Variants in EPG5 observed in about 807,000 individuals in gnomAD.
EPG5 encodes ectopic P-granules 5 autophagy tethering factor.
EPG5 carries 159 observed loss-of-function variants against 302.7 expected under a neutral mutation model. The ratio of observed to expected loss-of-function variants is 0.53; its 90% confidence interval spans 0.46 to 0.60. The LOEUF (loss-of-function observed/expected upper bound fraction) is 0.60, where lower values mean the gene tolerates loss of function less well. EPG5 is among the 20% of genes least tolerant of loss of function. The probability of loss-of-function intolerance (pLI) is 0.00; values close to 1 mark genes in which losing one functional copy is unlikely to be tolerated. For missense variants in EPG5, 2,896 were observed against 3,092.4 expected, an observed-to-expected ratio of 0.94 and a Z score of 1.51; for synonymous variants, 1,158 against 1,136.8, an observed-to-expected ratio of 1.02 and a Z score of -0.37.
chr18:45,929,740 C>T (rs185481151), intron 12 of EPG5, among the ~76,000 whole-genome samples: 6 of 152,162 alleles, frequency 3.9e-5, no homozygotes, highest in African/African-American at 1.4e-4. Flanking sequence ...GTCTTCTCTC[C>T]CCAAGTTTTT....
Position 45,946,707 on chromosome 18 carries a change from G to T in EPG5, c.1633C>A (p.Pro545Thr), listed in dbSNP as rs753686339. ...PSERKPSSSG[P>T]GSGTWTLVDE... ...ACTAGCGTCCAAGTCCCAGACCCAG[G>T]CCCTGAGGAGGATGGCTTCCGCTCG... The change falls in exon 7 of 44, where the codon CCT becomes ACT. Residue 545 changes from proline to threonine, a missense_variant. Physicochemically the swap from Pro to Thr is conservative, Grantham distance 38. Around this residue, in one of 5 missense-constraint regions of EPG5, gnomAD observed 1,390 missense variants for 1,430.0 expected, o/e 0.97. Coordinates refer to ENST00000282041, the MANE Select transcript of EPG5 (RefSeq NM_020964.3). The T allele has an allele frequency of 1.2e-6, 2 of 1,614,028 alleles. No homozygotes were observed. The highest frequency in any genetic ancestry group is 1.3e-5 in the African/African-American group (1 of 74,916).
chr18:45,840,169 C>T, the EPG5 span: 19 of 1,609,332 alleles, frequency 1.2e-5, 1 homozygote, highest in Admixed American at 1.2e-4. Context: ...CTGCAGACTG[C>T]GGTGGAGATT....
chr18:45,807,970 T>G, the EPG5 span, among the ~76,000 whole-genome samples: 1 of 151,002 alleles, frequency 6.6e-6, no homozygotes, highest in South Asian at 2.1e-4. Flanking sequence ...CGTAAGGAAA[T>G]CAAAAAAATG....
intron 10 of EPG5, among the ~76,000 whole-genome samples, chr18:45,935,626 A>C (rs2050506541): frequency 6.6e-6 from 1 of 151,998 alleles, no homozygotes; most frequent in Non-Finnish European, 1.5e-5. Context: ...AGGCACACAC[A>C]GTAGTGGGTG....
At chr18:45,811,613 T>C in the EPG5 span, among the ~76,000 whole-genome samples, 2 of 152,190 alleles carry the variant, frequency 1.3e-5, no homozygotes, top group Non-Finnish European at 1.5e-5. Flanking sequence ...TGGTTCAGCA[T>C]ACGCAAATCA....
At chr18:45,919,855 T>C (rs943816679) in intron 16 of EPG5, among the ~76,000 whole-genome samples, 3 of 152,184 alleles carry the variant, frequency 2.0e-5, no homozygotes, top group Non-Finnish European at 2.9e-5. Context: ...GTAAGTTTGG[T>C]GTTATTAGTA....
chr18:45,937,510 G>C (rs905174060), intron 10 of EPG5, among the ~76,000 whole-genome samples: 2 of 152,020 alleles, frequency 1.3e-5, no homozygotes, highest in African/African-American at 4.8e-5. Flanking sequence ...GGGTTCAAGC[G>C]ATTCTTCTGC....
chr18:45,912,087 A>G (rs1436680334), intron 22 of EPG5, among the ~76,000 whole-genome samples: 1 of 152,200 alleles, frequency 6.6e-6, no homozygotes, highest in Non-Finnish European at 1.5e-5. Flanking sequence ...GGAAGATGGT[A>G]AAGAGAAGCT....
chr18:45,966,735 T>C (rs1416763051), intron 1 of EPG5, among the ~76,000 whole-genome samples: 2 of 152,198 alleles, frequency 1.3e-5, no homozygotes, highest in East Asian at 1.9e-4. Context: ...CTAGTCTACT[T>C]ATAAAGTTCT....
the EPG5 span, among the ~76,000 whole-genome samples, chr18:45,802,645 A>G: frequency 3.3e-5 from 5 of 152,186 alleles, no homozygotes; most frequent in African/African-American, 1.2e-4. Flanking sequence ...CTTGTGCCCA[A>G]TACCTTTCCC....
At chr18:45,911,728 T>C (rs1599555083) in intron 22 of EPG5, among the ~76,000 whole-genome samples, 1 of 152,146 alleles carries the variant, frequency 6.6e-6, no homozygotes, top group Non-Finnish European at 1.5e-5. Flanking sequence ...TGAGCCACCA[T>C]GCCCAGCCAG....
intron 26 of EPG5, 124 bp from the exon 27 acceptor site, chr18:45,899,690 A>C: frequency 2.1e-6 from 2 of 952,994 alleles, no homozygotes; most frequent in Non-Finnish European, 3.1e-6. Flanking sequence ...CCATAGTAAC[A>C]GAGGACCAAA....
At chr18:45,947,440 G>A (rs2050808165) in intron 6 of EPG5, among the ~76,000 whole-genome samples, 1 of 152,016 alleles carries the variant, frequency 6.6e-6, no homozygotes, top group Non-Finnish European at 1.5e-5. Context: ...TAATGGAGAG[G>A]CTTGTTTAGG....
intron 6 of EPG5, among the ~76,000 whole-genome samples, chr18:45,947,154 C>T (rs2050800684): frequency 6.6e-6 from 1 of 152,158 alleles, no homozygotes; most frequent in Non-Finnish European, 1.5e-5. Context: ...GTGGCTCACG[C>T]CTGTAATCAC....
chr18:45,839,231 C>T, the EPG5 span: 1 of 1,214,678 alleles, frequency 8.2e-7, no homozygotes, highest in Non-Finnish European at 1.1e-6. Context: ...GCGCTTTCCT[C>T]TCTTTGCATG....
the EPG5 span, among the ~76,000 whole-genome samples, chr18:45,838,087 A>C: frequency 8.5e-5 from 13 of 152,334 alleles, no homozygotes; most frequent in African/African-American, 3.1e-4. Flanking sequence ...ACAAATGCAG[A>C]ATCCAGGTCC....
intron 20 of EPG5, among the ~76,000 whole-genome samples, chr18:45,915,284 A>C (rs2050002241): frequency 6.6e-6 from 1 of 152,168 alleles, no homozygotes; most frequent in Admixed American, 6.5e-5. Flanking sequence ...ATCTCAAAAA[A>C]AATAAAAATA....
At position 45,954,635 on chromosome 18, in the gene EPG5, G is replaced by A; in HGVS notation, c.767C>T (p.Thr256Ile). 6.2e-7 allele frequency: 1 copy of A among 1,614,210 alleles called. No homozygotes were observed. The highest frequency in any genetic ancestry group is 8.5e-7 in the Non-Finnish European group (1 of 1,180,046). ...CTCCAAGATTTTTAGCTGTTCTTTA[G>A]TAAATGGTACTAGTTCCAGTTGAGA... ...LPSQLELVPF[T>I]KEQLKILEPG... is the part of the protein sequence containing the mutation. Residue 256 changes from threonine (T) to isoleucine (I), a missense_variant, in exon 2 of 44, where the codon ACT (threonine) becomes ATT (isoleucine). Physicochemically the swap from Thr to Ile is moderately conservative, Grantham distance 89. Coordinates refer to ENST00000282041, the MANE Select transcript of EPG5 (RefSeq NM_020964.3).
intron 29 of EPG5, among the ~76,000 whole-genome samples, chr18:45,886,998 C>CA (rs1334449743): frequency 6.6e-6 from 1 of 151,962 alleles, no homozygotes; most frequent in African/African-American, 2.4e-5. Context: ...AAACTTCCTA[C>CA]AAAAAAATCA....
Sources: allele counts gnomAD v4.1 joint callset (sites outside exome capture counted in the v4.1 genomes callset), GRCh38; gene constraint gnomAD v4.1.1; regional missense constraint gnomAD v4.1.1; transcripts MANE v1.5; gene names NCBI Gene and HGNC (gene_info 2026-07-23, HGNC 2026-07-21).